The following NKAIN3 variants were observed in gnomAD, a reference collection of about 807,000 sequenced individuals.
NKAIN3 encodes the protein sodium/potassium transporting ATPase interacting 3, also known as sodium/potassium-transporting ATPase subunit beta-1-interacting protein 3.
A neutral mutation model predicts 30.2 loss-of-function variants in NKAIN3; 25 were observed. That is an observed-to-expected ratio of 0.83 (90% confidence interval 0.60 to 1.16). The LOEUF (loss-of-function observed/expected upper bound fraction) is 1.16. Among genes scored for constraint, NKAIN3 ranks in the 50% most tolerant of loss-of-function variants. The pLI is 0.00. For missense variants in NKAIN3, 225 were observed against 254.1 expected, an observed-to-expected ratio of 0.89 and a Z score of 0.78; for synonymous variants, 91 against 89.6, an observed-to-expected ratio of 1.02 and a Z score of -0.09.
In NKAIN3 at chr8:62,850,209, TG is replaced by T. The variant is rs566791530; in HGVS notation, c.472-68243del. ...TTTGCATTTCTCTGATGGCCAGTGA[TG>T]ATGAGCATTTTTTCATGTGTCTTTT... is the stretch of plus-strand genomic sequence containing the variant. On this transcript the variant is annotated intron_variant, in intron 4 of 6. Coordinates refer to ENST00000623646, the MANE Select transcript of NKAIN3 (RefSeq NM_001304533.3). 2.1e-3 allele frequency among the ~76,000 whole-genome samples: 327 copies of T among 152,288 alleles called. 2 individuals are homozygous for T. The highest frequency in any genetic ancestry group is 7.2e-3 in the African/African-American group (301 of 41,564).
chr8:62,393,594 T>G (rs1367825087), intron 1 of NKAIN3, among the ~76,000 whole-genome samples: 1 of 151,960 alleles, frequency 6.6e-6, no homozygotes, highest in African/African-American at 2.4e-5. Flanking sequence ...TATTTGCCTT[T>G]CCTTACAAAT....
At chr8:62,323,394 A>G (rs767962127) in intron 1 of NKAIN3, among the ~76,000 whole-genome samples, 4 of 152,224 alleles carry the variant, frequency 2.6e-5, no homozygotes, top group Non-Finnish European at 5.9e-5. Context: ...ATATTGAGGC[A>G]CGGGAAAGTT....
At position 62,589,710 on chromosome 8, in the gene NKAIN3, C is replaced by T; in HGVS notation, c.193-4C>T. 6.7e-7 allele frequency: 1 copy of T among 1,499,214 alleles called. No homozygotes were observed. Among genetic ancestry groups the T allele is most frequent in the Non-Finnish European group, 9.2e-7 (1 of 1,083,608 alleles). The allele number at this position is 1,499,214 out of a possible 1,614,324, so 92.9% of individuals were successfully genotyped here. A position where few individuals can be genotyped will look rare whatever the true frequency, so the allele number is the denominator to read the frequency against. On this transcript the variant is annotated splice_region_variant and splice_polypyrimidine_tract_variant and intron_variant, in intron 2 of 6. Coordinates refer to ENST00000623646, the MANE Select transcript of NKAIN3 (RefSeq NM_001304533.3). ...CTCTTTCTCCCTCCCCCATTTCTAT[C>T]TAGTATACAGTGTGGACTGCCCTCT...
chr8:62,678,505 G>A lies in NKAIN3; in HGVS notation c.274-68427G>A, dbSNP rs561132575. Among the ~76,000 whole-genome samples the A allele has an allele frequency of 3.1e-4, 47 of 151,914 alleles. No individual in the cohort carries two copies. In the Middle Eastern group the frequency reaches 0.02, roughly 66 times the overall value. Reference sequence around the variant, plus strand: ...ACTGGTTGCATAATAACCAACTATCGAATAGCTTCTTAGATCATTACAATA... The same window carrying A: ...ACTGGTTGCATAATAACCAACTATCAAATAGCTTCTTAGATCATTACAATA... On this transcript the variant is annotated intron_variant, in intron 3 of 6. Coordinates refer to ENST00000623646, the MANE Select transcript of NKAIN3 (RefSeq NM_001304533.3).
intron 5 of NKAIN3, among the ~76,000 whole-genome samples, chr8:62,997,755 T>TAA (rs56261705): frequency 1.4e-5 from 2 of 145,566 alleles, no homozygotes; most frequent in Non-Finnish European, 3.0e-5. Flanking sequence ...CTCTTTTCTT[T>TAA]AAAAAAAAAA....
chr8:62,517,774 T>A (rs968909651), intron 1 of NKAIN3, among the ~76,000 whole-genome samples: 3 of 152,170 alleles, frequency 2.0e-5, no homozygotes, highest in African/African-American at 7.2e-5. Flanking sequence ...GTCAGGACCA[T>A]CGATTTTAAG....
At chr8:62,666,119 C>T (rs1297594984) in intron 3 of NKAIN3, among the ~76,000 whole-genome samples, 3 of 152,068 alleles carry the variant, frequency 2.0e-5, no homozygotes, top group African/African-American at 7.2e-5. Context: ...GAGGCTGAGG[C>T]AGAGAATTGC....
Position 62,315,384 on chromosome 8 carries a change from G to A in NKAIN3, c.54+66257G>A, listed in dbSNP as rs115185034. On this transcript the variant is annotated intron_variant, in intron 1 of 6. Coordinates refer to ENST00000623646, the MANE Select transcript of NKAIN3 (RefSeq NM_001304533.3). Reference sequence around the variant, plus strand: ...AATTTCCAGGGTACCCCTGGGATTCGTCAGGATTTATTGCAAATGAAAAAG... The same window carrying A: ...AATTTCCAGGGTACCCCTGGGATTCATCAGGATTTATTGCAAATGAAAAAG... Among the ~76,000 whole-genome samples, 461 of 152,216 alleles carry A rather than the reference G, an allele frequency of 3.0e-3. 1 individual carries two copies. The highest frequency in any genetic ancestry group is 9.7e-3 in the African/African-American group (404 of 41,526).
intron 3 of NKAIN3, among the ~76,000 whole-genome samples, chr8:62,626,561 A>G (rs1811794018): frequency 6.6e-6 from 1 of 152,106 alleles, no homozygotes; most frequent in Non-Finnish European, 1.5e-5. Flanking sequence ...GCATTATGAC[A>G]CATGTCTAAA....
rs756854897 is a variant in NKAIN3 at position 62,747,050 on chromosome 8, C to T, written c.392C>T (p.Thr131Met). Residue 131 changes from threonine to methionine, a missense_variant, in exon 4 of 7, where the codon ACG becomes ATG. Coordinates refer to ENST00000623646, the MANE Select transcript of NKAIN3 (RefSeq NM_001304533.3). ...PSAHGMMDDYTYVSVTGCIVD... is the reference protein window; with the variant it reads ...PSAHGMMDDYMYVSVTGCIVD... ...GCCCATGGCATGATGGACGATTACA[C>T]GTACGTCTCTGTCACAGGCTGCATC... 3 of 1,613,428 alleles carry T rather than the reference C, an allele frequency of 1.9e-6. No individual in the cohort carries two copies. Among genetic ancestry groups the T allele is most frequent in the African/African-American group, 1.3e-5 (1 of 74,894 alleles).
intron 4 of NKAIN3, among the ~76,000 whole-genome samples, chr8:62,853,005 T>A (rs1819955371): frequency 6.6e-6 from 1 of 152,186 alleles, no homozygotes; most frequent in Non-Finnish European, 1.5e-5. Flanking sequence ...TTCCTGAATA[T>A]CCTTGTTAAC....
At chr8:62,369,207 A>G (rs1563368145) in intron 1 of NKAIN3, among the ~76,000 whole-genome samples, 2 of 151,184 alleles carry the variant, frequency 1.3e-5, no homozygotes, top group Non-Finnish European at 2.9e-5. Flanking sequence ...TAAGACTATG[A>G]AAGTTTTTTC....
chr8:62,519,367 A>C (rs1292163465), intron 1 of NKAIN3, among the ~76,000 whole-genome samples: 1 of 152,146 alleles, frequency 6.6e-6, no homozygotes, highest in Non-Finnish European at 1.5e-5. Context: ...ATGACTCTTA[A>C]AATGGTGCTG....
At chr8:62,671,961 C>T (rs906217397) in intron 3 of NKAIN3, among the ~76,000 whole-genome samples, 40 of 152,106 alleles carry the variant, frequency 2.6e-4, no homozygotes, top group African/African-American at 6.8e-4. Flanking sequence ...ACATGCCCAC[C>T]GGAAACCAAT....
chr8:62,646,861 A>G (rs1385325123), intron 3 of NKAIN3, among the ~76,000 whole-genome samples: 2 of 152,154 alleles, frequency 1.3e-5, no homozygotes, highest in Non-Finnish European at 2.9e-5. Context: ...AAAAACTCCA[A>G]GATAGACAAT....
rs142587868 is a variant in NKAIN3, at chr8:62,958,653, A to G, written c.603+4681A>G. On this transcript the variant is annotated intron_variant, in intron 6 of 6. Coordinates refer to ENST00000623646, the MANE Select transcript of NKAIN3 (RefSeq NM_001304533.3). Reference sequence around the variant, plus strand: ...TTTACCCCTCAGGAAGAAAAATAGCATGGCATAAACATATACAGCTATCAA... The same window carrying G: ...TTTACCCCTCAGGAAGAAAAATAGCGTGGCATAAACATATACAGCTATCAA... Among the ~76,000 whole-genome samples the G allele has an allele frequency of 9.2e-5, 14 of 152,334 alleles. No homozygotes were observed. The East Asian group carries it at 1.9e-3, about 21-fold the overall frequency.
chr8:62,409,950 T>C (rs1404993132), intron 1 of NKAIN3, among the ~76,000 whole-genome samples: 1 of 152,196 alleles, frequency 6.6e-6, no homozygotes, highest in African/African-American at 2.4e-5. Context: ...CCTCAATATT[T>C]AGCAACTTTT....
rs542076010 is a variant in NKAIN3 at position 62,974,334 on chromosome 8, T to C, written c.*8927T>C. Among the ~76,000 whole-genome samples the C allele has an allele frequency of 2.0e-5, 3 of 152,286 alleles. No individual in the cohort carries two copies. In the East Asian group the frequency reaches 5.8e-4, roughly 29 times the overall value. On this transcript the variant is annotated 3_prime_UTR_variant, in exon 7 of 7. Transcript: ENST00000623646. ...TTCCATTTGTTTGTGTCCTCTCTTATTTCCTTGAGCAGTGGTTTGTAGTTC... is the reference window on the plus strand; with the variant it reads ...TTCCATTTGTTTGTGTCCTCTCTTACTTCCTTGAGCAGTGGTTTGTAGTTC...
chr8:62,807,443 G>T (rs969796788), intron 4 of NKAIN3, among the ~76,000 whole-genome samples: 5 of 150,776 alleles, frequency 3.3e-5, no homozygotes, highest in Non-Finnish European at 5.9e-5. Flanking sequence ...CAGTTTTCTT[G>T]TTTCCTACTT....
Sources: allele counts gnomAD v4.1 joint callset (sites outside exome capture counted in the v4.1 genomes callset), GRCh38; gene constraint gnomAD v4.1.1; transcripts MANE v1.5; gene names NCBI Gene and HGNC (gene_info 2026-07-23, HGNC 2026-07-21).